Variants in BTG4 observed in about 807,000 individuals in gnomAD.
The protein encoded by BTG4 is BTG anti-proliferation factor 4.
A neutral mutation model predicts 19.3 loss-of-function variants in BTG4; 10 were observed. The ratio of observed to expected loss-of-function variants is 0.52; its 90% CI spans 0.32 to 0.88. BTG4 has a LOEUF of 0.88. Ranked by LOEUF, BTG4 falls within the 40% of genes least tolerant of loss-of-function variation. The probability of loss-of-function intolerance (pLI) is 0.04; values close to 1 mark genes in which losing one functional copy is unlikely to be tolerated. For synonymous variants in BTG4, 91 were observed against 95.7 expected (o/e 0.95, Z 0.29); for missense variants, 238 against 281.9 (o/e 0.84, Z 1.11).
At chr11:111,474,796 T>C (rs1162013158) in intron 5 of BTG4, among the ~76,000 whole-genome samples, 2 of 152,182 alleles carry the variant, frequency 1.3e-5, no homozygotes, top group African/African-American at 4.8e-5. Flanking sequence ...TCCATTTCTA[T>C]CAGCACTTAG....
At chr11:111,446,437 G>T in the BTG4 span, among the ~76,000 whole-genome samples, 1 of 152,108 alleles carries the variant, frequency 6.6e-6, no homozygotes. Context: ...CCTTCACTGA[G>T]AGCTTCTTAG....
chr11:111,441,331 A>G, the BTG4 span, among the ~76,000 whole-genome samples: 1 of 151,976 alleles, frequency 6.6e-6, no homozygotes, highest in Non-Finnish European at 1.5e-5. Flanking sequence ...GGAAGGAAGG[A>G]GTATTGAGAA....
downstream of BTG4, chr11:111,494,798 C>T (rs1865618778): frequency 2.4e-6 from 2 of 832,924 alleles, no homozygotes; most frequent in Non-Finnish European, 2.9e-6. Flanking sequence ...TTTCTTGCAA[C>T]AAACTGAACT....
chr11:111,430,040 T>C, the BTG4 span, among the ~76,000 whole-genome samples: 2 of 152,210 alleles, frequency 1.3e-5, no homozygotes, highest in Non-Finnish European at 2.9e-5. Context: ...AGCAAGCACA[T>C]CATAATAGTA....
At chr11:111,393,003 C>A in the BTG4 span, among the ~76,000 whole-genome samples, 25 of 152,230 alleles carry the variant, frequency 1.6e-4, 1 homozygote, top group African/African-American at 5.3e-4. Flanking sequence ...TATGGTACTG[C>A]CTGAACTACA....
chr11:111,418,094 T>C, the BTG4 span: 3 of 152,214 alleles, frequency 2.0e-5, no homozygotes, highest in African/African-American at 7.2e-5. Flanking sequence ...CTCATTATGC[T>C]CTCCTCCCTG....
chr11:111,471,614 T>C (rs920162287), intron 5 of BTG4, among the ~76,000 whole-genome samples: 3 of 152,142 alleles, frequency 2.0e-5, no homozygotes, highest in Non-Finnish European at 4.4e-5. Context: ...GGGCCAGGAC[T>C]CAGTCCCGTC....
the BTG4 span, among the ~76,000 whole-genome samples, chr11:111,402,120 C>T: frequency 6.6e-6 from 1 of 152,084 alleles, no homozygotes; most frequent in Non-Finnish European, 1.5e-5. Context: ...CCCATGCTGT[C>T]CTCGTGATAG....
At chr11:111,474,285 C>A (rs910707079) in intron 5 of BTG4, among the ~76,000 whole-genome samples, 48 of 152,208 alleles carry the variant, frequency 3.2e-4, no homozygotes, top group African/African-American at 1.1e-3. Flanking sequence ...TATAACCAGC[C>A]CCAGATCAAG....
the BTG4 span, among the ~76,000 whole-genome samples, chr11:111,415,735 C>G: frequency 2.0e-5 from 3 of 152,134 alleles, no homozygotes; most frequent in Admixed American, 2.0e-4. Context: ...GAGCCAGAGA[C>G]CCACAGTTTA....
the BTG4 span, among the ~76,000 whole-genome samples, chr11:111,401,891 T>A: frequency 5.9e-5 from 9 of 152,224 alleles, no homozygotes; most frequent in African/African-American, 2.2e-4. Flanking sequence ...AATGGTATTA[T>A]TCTGGGCTTG....
chr11:111,498,283 C>T (rs1484696420), intron 2 of BTG4, 148 bp from the exon 3 acceptor site: 8 of 841,368 alleles, frequency 9.5e-6, no homozygotes, highest in Non-Finnish European at 1.5e-5. Flanking sequence ...TCCACTCTTA[C>T]AAGTAAGACA....
At chr11:111,399,244 T>C in the BTG4 span, 3 of 152,236 alleles carry the variant, frequency 2.0e-5, no homozygotes, top group Admixed American at 6.5e-5. Context: ...CGGCCAAGAC[T>C]GTCCAAATGG....
chr11:111,437,688 C>T, the BTG4 span, among the ~76,000 whole-genome samples: 1 of 152,156 alleles, frequency 6.6e-6, no homozygotes, highest in Non-Finnish European at 1.5e-5. Context: ...ATCCCCATTG[C>T]ATCCCCACCA....
intron 5 of BTG4, among the ~76,000 whole-genome samples, chr11:111,472,937 C>T (rs985293176): frequency 2.0e-5 from 3 of 152,136 alleles, no homozygotes; most frequent in African/African-American, 7.2e-5. Flanking sequence ...TAATAGCAAA[C>T]ATTTATTACC....
At chr11:111,449,657 A>G in the BTG4 span, 1 of 152,460 alleles carries the variant, frequency 6.6e-6, no homozygotes, top group Non-Finnish European at 1.5e-5. Flanking sequence ...AGCTGGAGAG[A>G]ATGAGGAAGA....
At chr11:111,503,955 G>C (rs1279995138) in intron 1 of BTG4, among the ~76,000 whole-genome samples, 1 of 152,064 alleles carries the variant, frequency 6.6e-6, no homozygotes, top group Non-Finnish European at 1.5e-5. Context: ...GCTTATAAAA[G>C]TTTTAAAATA....
downstream of BTG4, chr11:111,462,886 C>T (rs1863482694): frequency 1.3e-5 from 2 of 152,742 alleles, no homozygotes; most frequent in African/African-American, 4.8e-5. Context: ...AGGGTCCCCA[C>T]ATGTGATGAG....
the BTG4 span, among the ~76,000 whole-genome samples, chr11:111,420,651 GTTTGAGACACAGTT>G: frequency 1.3e-5 from 2 of 152,216 alleles, no homozygotes; most frequent in Admixed American, 6.5e-5. Flanking sequence ...GCATTCAACA[GTTTGAGACACAGTT>G]TGTCTAGTAG....
Sources: allele counts gnomAD v4.1 joint callset (sites outside exome capture counted in the v4.1 genomes callset), GRCh38; gene constraint gnomAD v4.1.1; transcripts MANE v1.5; gene names NCBI Gene and HGNC (gene_info 2026-07-23, HGNC 2026-07-21).